Variants in SDCCAG8 observed in about 807,000 individuals in gnomAD.
The protein encoded by SDCCAG8 is SHH signaling and ciliogenesis regulator SDCCAG8, also known as serologically defined colon cancer antigen 8.
SDCCAG8 carries 74 observed loss-of-function variants against 101.8 expected under a neutral mutation model. That is an observed-to-expected ratio of 0.73 (90% CI 0.60 to 0.88). The LOEUF is 0.88. SDCCAG8 is among the 40% of genes least tolerant of loss of function. SDCCAG8 has a pLI of 0.00. For missense variants in SDCCAG8, 787 were observed against 822.6 expected (o/e 0.96, Z 0.53); for synonymous variants, 281 against 292.9 (o/e 0.96, Z 0.41).
chr1:243,346,676 C>T (rs1238814477), intron 12 of SDCCAG8, among the ~76,000 whole-genome samples: 12 of 152,116 alleles, frequency 7.9e-5, no homozygotes, highest in Non-Finnish European at 1.5e-5. Flanking sequence ...TTCTTTTCTT[C>T]TTTATATTGT....
chr1:243,433,459 T>C (rs2081936174), intron 16 of SDCCAG8, among the ~76,000 whole-genome samples: 1 of 151,776 alleles, frequency 6.6e-6, no homozygotes, highest in Non-Finnish European at 1.5e-5. Context: ...CAGTGCAGAG[T>C]AGCCATGGCA....
intron 4 of SDCCAG8, among the ~76,000 whole-genome samples, chr1:243,276,775 T>C (rs1356940507): frequency 6.6e-6 from 1 of 152,214 alleles, no homozygotes; most frequent in Admixed American, 6.5e-5. Flanking sequence ...AAACATCCTC[T>C]TGCGCTTCAC....
chr1:243,275,484 G>T (rs1418055429), intron 4 of SDCCAG8, among the ~76,000 whole-genome samples: 2 of 152,116 alleles, frequency 1.3e-5, no homozygotes, highest in African/African-American at 4.8e-5. Flanking sequence ...TCACTGTCCT[G>T]ATTTTACCGG....
intron 16 of SDCCAG8, among the ~76,000 whole-genome samples, chr1:243,440,499 G>T (rs1035981743): frequency 1.3e-5 from 2 of 152,096 alleles, no homozygotes; most frequent in Non-Finnish European, 2.9e-5. Flanking sequence ...TTTGCCTGTC[G>T]GAGAGCCTAT....
chr1:243,473,088 C>A (rs56797778), intron 16 of SDCCAG8, among the ~76,000 whole-genome samples: 1 of 80,782 alleles, frequency 1.2e-5, no homozygotes, highest in African/African-American at 3.9e-5. Flanking sequence ...AGGATCTCTG[C>A]GGGGGTGTGG....
At chr1:243,306,811 A>G (rs868238255) in intron 7 of SDCCAG8, among the ~76,000 whole-genome samples, 3 of 151,956 alleles carry the variant, frequency 2.0e-5, no homozygotes, top group Non-Finnish European at 4.4e-5. Context: ...TGCCATTCCA[A>G]AGTTTTTTTT....
At chr1:243,450,831 GT>G (rs1363955158) in intron 16 of SDCCAG8, among the ~76,000 whole-genome samples, 1 of 152,102 alleles carries the variant, frequency 6.6e-6, no homozygotes, top group South Asian at 2.1e-4. Flanking sequence ...GCTAATATTT[GT>G]ATTTTTAGTA....
At chr1:243,261,609 T>C (rs1159595745) in intron 1 of SDCCAG8, among the ~76,000 whole-genome samples, 1 of 152,244 alleles carries the variant, frequency 6.6e-6, no homozygotes, top group African/African-American at 2.4e-5. Flanking sequence ...GTCAGTGTAT[T>C]AGCCAGCAGT....
chr1:243,261,381 T>G (rs549213938), intron 1 of SDCCAG8, among the ~76,000 whole-genome samples: 162 of 152,332 alleles, frequency 1.1e-3, no homozygotes, highest in Middle Eastern at 6.8e-3. Flanking sequence ...AGTAAGGAGT[T>G]GAACCAGGTA....
chr1:243,280,626 T>C (rs965599879), intron 4 of SDCCAG8, among the ~76,000 whole-genome samples: 1 of 152,332 alleles, frequency 6.6e-6, no homozygotes, highest in East Asian at 1.9e-4. Flanking sequence ...TGTATTTTAA[T>C]TTTTACTTAG....
chr1:243,324,392 A>T (rs1488278382), intron 9 of SDCCAG8, among the ~76,000 whole-genome samples: 3 of 145,738 alleles, frequency 2.1e-5, no homozygotes, highest in Non-Finnish European at 4.5e-5. Flanking sequence ...TCAAATTTCT[A>T]TTTAACTATG....
At position 243,386,043 on chromosome 1, in the gene SDCCAG8, T is replaced by TA. The variant is rs2078267097; in HGVS notation, c.1616+7186dup. ...TACCACGCTACATGTAGCAGCTCTT[T>TA]AAAAAATAATAGAGTTATAGCTAAC... On this transcript the variant is annotated intron_variant, in intron 13 of 17. Transcript: ENST00000366541. 3.3e-5 allele frequency among the ~76,000 whole-genome samples: 5 copies of TA among 152,302 alleles called. No individual in the cohort carries two copies. The East Asian group carries it at 9.6e-4, about 29-fold the overall frequency.
chr1:243,292,871 C>T (rs2070411802), intron 5 of SDCCAG8, among the ~76,000 whole-genome samples: 1 of 152,040 alleles, frequency 6.6e-6, no homozygotes, highest in Non-Finnish European at 1.5e-5. Flanking sequence ...CCCTCTTTGC[C>T]CATATTTAGA....
chr1:243,348,909 C>T (rs1297699370), intron 12 of SDCCAG8, among the ~76,000 whole-genome samples: 2 of 151,954 alleles, frequency 1.3e-5, no homozygotes, highest in Non-Finnish European at 2.9e-5. Flanking sequence ...TTGCTTGAAC[C>T]CAGGAGGCGG....
At chr1:243,432,349 AG>A (rs911766611) in intron 16 of SDCCAG8, among the ~76,000 whole-genome samples, 6 of 152,172 alleles carry the variant, frequency 3.9e-5, no homozygotes, top group Admixed American at 1.3e-4. Flanking sequence ...GGATACTTAG[AG>A]GGGAACAGAA....
At chr1:243,305,577 G>A (rs566343897) in intron 7 of SDCCAG8, 29 of 152,106 alleles carry the variant, frequency 1.9e-4, no homozygotes, top group African/African-American at 6.5e-4. Context: ...ATATATTATA[G>A]ATTAACCATT....
chr1:243,410,194 A>C (rs2080074512), intron 13 of SDCCAG8, among the ~76,000 whole-genome samples: 1 of 152,178 alleles, frequency 6.6e-6, no homozygotes, highest in Non-Finnish European at 1.5e-5. Flanking sequence ...AAAATAGAGC[A>C]TGGTGGAAGT....
At chr1:243,278,242 G>A (rs1572920818) in intron 4 of SDCCAG8, among the ~76,000 whole-genome samples, 1 of 152,038 alleles carries the variant, frequency 6.6e-6, no homozygotes, top group South Asian at 2.1e-4. Flanking sequence ...TATTTTTGAG[G>A]TGGAGTCTCG....
chr1:243,450,736 G>A (rs1019879660), intron 16 of SDCCAG8, among the ~76,000 whole-genome samples: 3 of 152,172 alleles, frequency 2.0e-5, no homozygotes, highest in African/African-American at 7.2e-5. Context: ...TCAGCTCACT[G>A]CAACCTCTGC....
Sources: allele counts gnomAD v4.1 joint callset (sites outside exome capture counted in the v4.1 genomes callset), GRCh38; gene constraint gnomAD v4.1.1; transcripts MANE v1.5; gene names NCBI Gene and HGNC (gene_info 2026-07-23, HGNC 2026-07-21).